PC: variants seen among roughly 807,000 people sequenced by gnomAD.
The protein encoded by PC is pyruvate carboxylase, also known as pyruvate carboxylase, mitochondrial.
PC carries 46 observed loss-of-function variants against 107.8 expected under a neutral mutation model. The observed-to-expected ratio is 0.43, with a 90% CI of 0.34 to 0.55. The LOEUF (loss-of-function observed/expected upper bound fraction) is 0.55. Among genes scored for constraint, PC ranks in the 20% least tolerant of loss-of-function variants. The probability of loss-of-function intolerance (pLI) is 0.04; values close to 1 mark genes in which losing one functional copy is unlikely to be tolerated. For missense variants in PC, 1,241 were observed against 1,643.1 expected (o/e 0.76, Z 4.23); for synonymous variants, 662 against 684.7 (o/e 0.97, Z 0.52).
At chr11:66,892,214 A>T (rs888203733) in intron 3 of PC, among the ~76,000 whole-genome samples, 2 of 152,166 alleles carry the variant, frequency 1.3e-5, no homozygotes, top group Non-Finnish European at 2.9e-5. Flanking sequence ...ACTGGCCTTG[A>T]ACTAGATGAA....
intron 3 of PC, among the ~76,000 whole-genome samples, chr11:66,879,197 C>A (rs1947095090): frequency 6.6e-6 from 1 of 152,198 alleles, no homozygotes; most frequent in African/African-American, 2.4e-5. Flanking sequence ...CCCCACAGGC[C>A]AGGCCGTCCT....
chr11:66,849,200 C>G, intron 22 of PC, 30 bp downstream of exon 22: 1 of 1,613,750 alleles, frequency 6.2e-7, no homozygotes, highest in Non-Finnish European at 8.5e-7. Context: ...CCAAGCCCCA[C>G]CGCCTGGCTG....
At chr11:66,938,783 G>A (rs1043547125) in intron 3 of PC, among the ~76,000 whole-genome samples, 59 of 152,096 alleles carry the variant, frequency 3.9e-4, no homozygotes, top group African/African-American at 1.3e-3. Flanking sequence ...GCTTGATTAG[G>A]ATACATGAGC....
Position 66,858,291 on chromosome 11 carries a change from G to A in PC, c.1369-4908C>T, listed in dbSNP as rs560005995. Reference sequence around the variant, plus strand: ...CAACCTGGACCATAACCTTATTGACGCACTGCCCCCAGGCGCCTTCGCCCA... The same window carrying A: ...CAACCTGGACCATAACCTTATTGACACACTGCCCCCAGGCGCCTTCGCCCA... On this transcript the variant is annotated intron_variant, in intron 12 of 22. Coordinates refer to ENST00000393960, the MANE Select transcript of PC (RefSeq NM_001040716.2). The surrounding 1 kb of genome is among the most constrained non-coding windows in gnomAD (Gnocchi z 5.9). 5.0e-6 allele frequency: 8 copies of A among 1,611,366 alleles called. No individual in the cohort carries two copies. The Admixed American group carries it at 6.7e-5, about 13-fold the overall frequency.
chr11:66,918,498 G>A (rs1215258798), intron 3 of PC, among the ~76,000 whole-genome samples: 1 of 151,672 alleles, frequency 6.6e-6, no homozygotes, highest in Non-Finnish European at 1.5e-5. Context: ...AAGAGATCCT[G>A]AGCAGCTGGG....
intron 3 of PC, among the ~76,000 whole-genome samples, chr11:66,951,607 T>C (rs1270220186): frequency 6.6e-6 from 1 of 151,904 alleles, no homozygotes; most frequent in Non-Finnish European, 1.5e-5. Context: ...AATACAAAAA[T>C]TAGGCCGGGC....
chr11:66,920,653 C>G (rs753159588), intron 3 of PC, among the ~76,000 whole-genome samples: 5 of 152,164 alleles, frequency 3.3e-5, no homozygotes, highest in Non-Finnish European at 7.3e-5. Flanking sequence ...GCAGCCTCCC[C>G]GCCTTGACTC....
At chr11:66,954,061 T>C (rs564645400) in intron 2 of PC, among the ~76,000 whole-genome samples, 188 bp downstream of exon 2, 7 of 152,322 alleles carry the variant, frequency 4.6e-5, no homozygotes, top group Middle Eastern at 3.4e-3. Flanking sequence ...TCCAACTGAA[T>C]AGATTTGGCA....
At chr11:66,856,988 C>G (rs971420058) in intron 12 of PC, 1 of 146,796 alleles carries the variant, frequency 6.8e-6, no homozygotes. Context: ...CCTCAGGAGC[C>G]GGCCCGGGCC....
intron 12 of PC, among the ~76,000 whole-genome samples, chr11:66,863,562 C>T (rs952369519): frequency 4.6e-5 from 7 of 152,210 alleles, no homozygotes; most frequent in African/African-American, 1.7e-4. Context: ...CTGCCAGGGA[C>T]TCTGGCAGCG....
chr11:66,954,608 T>C (rs1312143310), intron 1 of PC, among the ~76,000 whole-genome samples, 172 bp from the exon 2 acceptor site: 1 of 152,110 alleles, frequency 6.6e-6, no homozygotes, highest in Non-Finnish European at 1.5e-5. Flanking sequence ...AGGACGATAT[T>C]GGGAGGCAGC....
At chr11:66,948,638 G>A (rs1949363863) in intron 3 of PC, among the ~76,000 whole-genome samples, 1 of 152,134 alleles carries the variant, frequency 6.6e-6, no homozygotes. Flanking sequence ...TCAGGAGTTC[G>A]AGATGAGCCT....
intron 3 of PC, among the ~76,000 whole-genome samples, chr11:66,894,223 T>C (rs954554880): frequency 6.6e-6 from 1 of 152,020 alleles, no homozygotes; most frequent in African/African-American, 2.4e-5. Context: ...CCCCCAAAAT[T>C]AGTGCACCCT....
intron 3 of PC, among the ~76,000 whole-genome samples, chr11:66,897,665 C>T (rs769446786): frequency 1.3e-5 from 2 of 152,200 alleles, no homozygotes; most frequent in Non-Finnish European, 2.9e-5. Context: ...CTGAGGAAGC[C>T]TTCCCCGGTT....
rs188803972 is a variant in PC, at chr11:66,853,098, G to A, written c.1513+141C>T. 4,583 of 922,778 alleles carry A rather than the reference G, an allele frequency of 5.0e-3. 23 individuals carry two copies. Among genetic ancestry groups the A allele is most frequent in the Non-Finnish European group, 6.9e-3 (4,224 of 608,242 alleles). 57.2% of individuals were successfully genotyped at this position (922,778 alleles called of 1,614,324 possible). A position where few individuals can be genotyped will look rare whatever the true frequency, so the allele number is the denominator to read the frequency against. On this transcript the variant is annotated intron_variant, in intron 13 of 22. Coordinates refer to ENST00000393960, the MANE Select transcript of PC (RefSeq NM_001040716.2). ...ATGGCAGGGTGCAGGACAAGAGGAC[G>A]CAGGGCCAGAATGAGGGCAGGGGTG...
chr11:66,870,749 C>G lies in PC; in HGVS notation c.751+26G>C, dbSNP rs1479979611. On this transcript the variant is annotated intron_variant, in intron 8 of 22. Transcript: ENST00000393960. The surrounding 1 kb of genome is among the most constrained non-coding windows in gnomAD (Gnocchi z 6.1). ...CTCTCAGCTCCCGCCTCCAGCTGCCCCAGGCGGGGCGTCAGGACCACTCAC... is the reference window on the plus strand; with the variant it reads ...CTCTCAGCTCCCGCCTCCAGCTGCCGCAGGCGGGGCGTCAGGACCACTCAC... The G allele has an allele frequency of 5.0e-6, 8 of 1,593,158 alleles. No individual in the cohort carries two copies. In the African/African-American group the frequency reaches 1.1e-4, roughly 21 times the overall value.
rs1181936829 is a variant in PC at position 66,863,771 on chromosome 11, C to T, written c.1368+3G>A. 6.2e-7 allele frequency: 1 copy of T among 1,606,468 alleles called. No homozygotes were observed. Among genetic ancestry groups the T allele is most frequent in the South Asian group, 1.1e-5 (1 of 90,844 alleles). On this transcript the variant is annotated splice_donor_region_variant and intron_variant, in intron 12 of 22. Coordinates refer to ENST00000393960, the MANE Select transcript of PC (RefSeq NM_001040716.2). ...AAGGCAGGCGGGGGCTGCAGCCTCT[C>T]ACCTTCACACCTCGGACGCGGAACT...
intron 3 of PC, among the ~76,000 whole-genome samples, chr11:66,884,884 T>G (rs951941418): frequency 1.2e-4 from 18 of 152,210 alleles, no homozygotes; most frequent in Non-Finnish European, 2.5e-4. Flanking sequence ...CTGGACAATC[T>G]TTGCAGGGAG....
At chr11:66,925,548 G>A (rs1948697105) in intron 3 of PC, among the ~76,000 whole-genome samples, 1 of 152,116 alleles carries the variant, frequency 6.6e-6, no homozygotes, top group Admixed American at 6.5e-5. Flanking sequence ...CTGTTATCCT[G>A]TTCTTTTTTC....
Sources: gnomAD v4.1 joint callset for allele counts (sites outside exome capture counted in the v4.1 genomes callset) on GRCh38, gnomAD v4.1.1 for gene constraint, Gnocchi (gnomAD v3.1) non-coding constraint, MANE v1.5 for transcripts, NCBI Gene and HGNC (gene_info 2026-07-23, HGNC 2026-07-21) for gene names.